SLC14A2: variants seen among roughly 807,000 people sequenced by gnomAD.
SLC14A2 encodes solute carrier family 14 member 2, also known as urea transporter 2.
In SLC14A2, 91 loss-of-function variants were observed where a neutral mutation model predicts 104.6. The observed-to-expected ratio is 0.87, with a 90% confidence interval of 0.73 to 1.04. SLC14A2 has a LOEUF of 1.04. SLC14A2 is among the 50% of genes least tolerant of loss of function. SLC14A2 has a pLI of 0.00. For synonymous variants in SLC14A2, 476 were observed against 466.4 expected, an observed-to-expected ratio of 1.02 and a Z score of -0.27; for missense variants, 1,189 against 1,156.0, an observed-to-expected ratio of 1.03 and a Z score of -0.41.
intron 1 of SLC14A2, among the ~76,000 whole-genome samples, chr18:45,305,034 C>T (rs2085004846): frequency 6.6e-6 from 1 of 152,210 alleles, no homozygotes; most frequent in Non-Finnish European, 1.5e-5. Flanking sequence ...TCCACAGTGT[C>T]TGTGGTCAAA....
chr18:45,648,492 A>G (rs34730643), intron 10 of SLC14A2, among the ~76,000 whole-genome samples: 81,453 of 151,712 alleles, frequency 0.54, 22,528 homozygotes, highest in African/African-American at 0.68. Flanking sequence ...GGCATGAGCC[A>G]CCACGCCCGG....
chr18:45,255,551 C>T (rs1424224578), intron 1 of SLC14A2, among the ~76,000 whole-genome samples: 2 of 152,176 alleles, frequency 1.3e-5, no homozygotes, highest in African/African-American at 4.8e-5. Flanking sequence ...CTTTGGAGAA[C>T]TCTACCTTTG....
intron 1 of SLC14A2, among the ~76,000 whole-genome samples, chr18:45,278,905 C>T (rs1482194890): frequency 6.6e-6 from 1 of 152,210 alleles, no homozygotes; most frequent in Non-Finnish European, 1.5e-5. Flanking sequence ...TGCACAGCCA[C>T]TGTATGGGAG....
rs16978366 is a variant in SLC14A2 at position 45,436,353 on chromosome 18, C to A, written c.-124-46880C>A. Among the ~76,000 whole-genome samples the A allele has an allele frequency of 5.0e-3, 761 of 152,186 alleles. 5 individuals are homozygous for A. Among genetic ancestry groups the A allele is most frequent in the African/African-American group, 0.017 (721 of 41,494 alleles). On this transcript the variant is annotated intron_variant, in intron 1 of 20. Coordinates refer to the SLC14A2 transcript ENST00000586448. ...CCACCTTCTCTGTCCTTTGATGACC[C>A]CCAAGTTTGTATTTCTTAACTAGGG...
chr18:45,448,173 A>G (rs1389452914), intron 1 of SLC14A2, among the ~76,000 whole-genome samples: 1 of 152,174 alleles, frequency 6.6e-6, no homozygotes, highest in Non-Finnish European at 1.5e-5. Flanking sequence ...GTTGATTTGT[A>G]TATGTTGATT....
chr18:45,380,906 A>G (rs111226360), intron 1 of SLC14A2, among the ~76,000 whole-genome samples: 1 of 152,262 alleles, frequency 6.6e-6, no homozygotes, highest in Non-Finnish European at 1.5e-5. Context: ...TAGCCTTGTT[A>G]TCGGGGATCA....
At chr18:45,312,483 A>G (rs756424186) in intron 1 of SLC14A2, among the ~76,000 whole-genome samples, 1 of 152,152 alleles carries the variant, frequency 6.6e-6, no homozygotes, top group Non-Finnish European at 1.5e-5. Context: ...TTTCTCTTTG[A>G]TGAACTCCAT....
Position 45,458,526 on chromosome 18 carries a change from G to A in SLC14A2, c.-124-24707G>A, listed in dbSNP as rs374943448. ...TCTACTCCCACACTTAAAAGTCTCC[G>A]TTTTCTCTCTGTGACATCATGCTTG... On this transcript the variant is annotated intron_variant, in intron 1 of 20. Transcript: ENST00000586448. Among the ~76,000 whole-genome samples, 67 of 152,184 alleles carry A rather than the reference G, an allele frequency of 4.4e-4. 2 individuals are homozygous for A. In the South Asian group the frequency reaches 9.6e-3, roughly 22 times the overall value.
At chr18:45,445,039 T>C (rs1243779254) in intron 1 of SLC14A2, among the ~76,000 whole-genome samples, 1 of 151,842 alleles carries the variant, frequency 6.6e-6, no homozygotes, top group African/African-American at 2.4e-5. Context: ...AACAAATGGA[T>C]GATGGGAATC....
At chr18:45,468,359 A>C (rs1412929448) in intron 1 of SLC14A2, among the ~76,000 whole-genome samples, 1 of 152,108 alleles carries the variant, frequency 6.6e-6, no homozygotes, top group Non-Finnish European at 1.5e-5. Context: ...GAAACATTTT[A>C]GCAAAAATCA....
At chr18:45,616,884 G>T (rs531121629) in intron 1 of SLC14A2, among the ~76,000 whole-genome samples, 31 of 152,170 alleles carry the variant, frequency 2.0e-4, no homozygotes, top group Non-Finnish European at 3.1e-4. Context: ...GATTGCCTGA[G>T]CTCAGGAGTC....
chr18:45,478,795 T>C lies in SLC14A2; in HGVS notation c.-124-4438T>C, dbSNP rs750870219. On this transcript the variant is annotated intron_variant, in intron 1 of 20. Coordinates refer to the SLC14A2 transcript ENST00000586448. Reference sequence around the variant, plus strand: ...TTTTTCCAGAAAAAAAAAAAGAGATTGTCAGTTGCCAAGACCAATTAAAGT... The same window carrying C: ...TTTTTCCAGAAAAAAAAAAAGAGATCGTCAGTTGCCAAGACCAATTAAAGT... Among the ~76,000 whole-genome samples the C allele has an allele frequency of 9.9e-5, 15 of 152,066 alleles. 1 individual carries two copies. Among genetic ancestry groups the C allele is most frequent in the Non-Finnish European group, 5.9e-5 (4 of 68,012 alleles).
At chr18:45,400,736 G>C (rs1258466480) in intron 1 of SLC14A2, among the ~76,000 whole-genome samples, 1 of 152,078 alleles carries the variant, frequency 6.6e-6, no homozygotes, top group African/African-American at 2.4e-5. Context: ...TTGTCATTCT[G>C]CTGTAGGTAA....
chr18:45,461,766 A>C (rs1024967089), intron 1 of SLC14A2, among the ~76,000 whole-genome samples: 7 of 152,222 alleles, frequency 4.6e-5, no homozygotes, highest in Non-Finnish European at 1.0e-4. Flanking sequence ...ATAATCATAT[A>C]TTTGGGTTAA....
intron 1 of SLC14A2, among the ~76,000 whole-genome samples, chr18:45,478,064 G>T (rs2087418079): frequency 1.3e-5 from 2 of 152,160 alleles, no homozygotes; most frequent in African/African-American, 2.4e-5. Flanking sequence ...CTTGGTGTCT[G>T]CCCAAACAAC....
intron 1 of SLC14A2, among the ~76,000 whole-genome samples, chr18:45,224,332 G>A (rs1009748588): frequency 6.6e-6 from 1 of 152,194 alleles, no homozygotes; most frequent in Non-Finnish European, 1.5e-5. Context: ...GGACAGAATG[G>A]GATGAAGCCC....
intron 1 of SLC14A2, among the ~76,000 whole-genome samples, chr18:45,241,975 T>A (rs1190809151): frequency 6.6e-6 from 1 of 152,074 alleles, no homozygotes; most frequent in Non-Finnish European, 1.5e-5. Context: ...TCTTCCCCCA[T>A]CAGCACCTTC....
chr18:45,503,818 A>G (rs182056954), intron 2 of SLC14A2, among the ~76,000 whole-genome samples: 1 of 14,182 alleles, frequency 7.1e-5, no homozygotes, highest in Non-Finnish European at 3.8e-4. Flanking sequence ...ATTCAGAGTA[A>G]TTATCCCTGA....
intron 1 of SLC14A2, among the ~76,000 whole-genome samples, chr18:45,306,097 C>T (rs79169141): frequency 0.015 from 2,342 of 152,228 alleles, 35 homozygotes; most frequent in Admixed American, 0.023. Flanking sequence ...TCTTCCTTTC[C>T]GTCTACTCCC....
Sources: gnomAD v4.1 joint callset for allele counts (sites outside exome capture counted in the v4.1 genomes callset) on GRCh38, gnomAD v4.1.1 for gene constraint, MANE v1.5 for transcripts, NCBI Gene and HGNC (gene_info 2026-07-23, HGNC 2026-07-21) for gene names.